GRIP1: variants seen among roughly 807,000 people sequenced by gnomAD.
GRIP1 encodes glutamate receptor interacting protein 1, also known as glutamate receptor-interacting protein 1.
In GRIP1, 45 loss-of-function variants were observed where a neutral mutation model predicts 129.9. That is an observed-to-expected ratio of 0.35 (90% CI 0.27 to 0.44). GRIP1 has a LOEUF of 0.44. GRIP1 is among the 20% of genes least tolerant of loss of function. GRIP1 has a pLI of 1.00. For missense variants in GRIP1, 1,196 were observed against 1,396.8 expected (o/e 0.86, Z 2.29); for synonymous variants, 530 against 520.8 (o/e 1.02, Z -0.24).
intron 1 of GRIP1, among the ~76,000 whole-genome samples, chr12:66,849,703 A>G (rs1158496048): frequency 6.6e-6 from 1 of 152,178 alleles, no homozygotes; most frequent in Admixed American, 6.5e-5. Context: ...TATTTGCTGA[A>G]TCAAATGAAA....
chr12:66,620,732 G>A (rs897518090), intron 1 of GRIP1, among the ~76,000 whole-genome samples: 12 of 144,334 alleles, frequency 8.3e-5, no homozygotes, highest in Non-Finnish European at 1.1e-4. Context: ...TCTCCCTCTC[G>A]CTCTCTTTCT....
At chr12:66,955,036 G>C (rs2041817679) in intron 1 of GRIP1, among the ~76,000 whole-genome samples, 1 of 152,076 alleles carries the variant, frequency 6.6e-6, no homozygotes, top group Non-Finnish European at 1.5e-5. Context: ...TTAAGGGGGT[G>C]GTGATATCTA....
chr12:66,416,075 T>TA (rs2057590791), intron 15 of GRIP1, among the ~76,000 whole-genome samples: 1 of 150,190 alleles, frequency 6.7e-6, no homozygotes, highest in African/African-American at 2.4e-5. Flanking sequence ...GAACTTAAAA[T>TA]AAAATTTGAA....
At chr12:67,068,699 A>G (rs915712840) in intron 1 of GRIP1, among the ~76,000 whole-genome samples, 1 of 59,674 alleles carries the variant, frequency 1.7e-5, no homozygotes, top group African/African-American at 6.7e-5. Context: ...ATCACCCCCC[A>G]GCACCCACCC....
intron 2 of GRIP1, among the ~76,000 whole-genome samples, chr12:66,584,893 A>G (rs2063555792): frequency 6.6e-6 from 1 of 151,524 alleles, no homozygotes; most frequent in Non-Finnish European, 1.5e-5. Flanking sequence ...CTCTTATTTC[A>G]CTAAGGAAAT....
intron 1 of GRIP1, among the ~76,000 whole-genome samples, chr12:66,843,725 A>T (rs2039762769): frequency 6.6e-6 from 1 of 152,172 alleles, no homozygotes; most frequent in Admixed American, 6.5e-5. Flanking sequence ...TTTTTAACAA[A>T]TAACATTGGG....
intron 7 of GRIP1, among the ~76,000 whole-genome samples, chr12:66,510,219 AT>A (rs1001445509): frequency 6.6e-5 from 10 of 152,116 alleles, no homozygotes; most frequent in African/African-American, 2.4e-4. Context: ...CACAGGAAAA[AT>A]CTGGCCTCCA....
chr12:66,460,794 CTA>C (rs2059114262), intron 9 of GRIP1, among the ~76,000 whole-genome samples: 1 of 152,104 alleles, frequency 6.6e-6, no homozygotes, highest in Non-Finnish European at 1.5e-5. Context: ...AAGGGTAAAA[CTA>C]TGTAAAACTC....
intron 1 of GRIP1, among the ~76,000 whole-genome samples, chr12:66,895,440 CTAA>C (rs1441376083): frequency 6.6e-6 from 1 of 152,198 alleles, no homozygotes; most frequent in Non-Finnish European, 1.5e-5. Flanking sequence ...TGTCAGTCCA[CTAA>C]ATCTCTTTTT....
chr12:66,433,384 T>C (rs2058207658), intron 13 of GRIP1, among the ~76,000 whole-genome samples: 1 of 152,182 alleles, frequency 6.6e-6, no homozygotes, highest in Non-Finnish European at 1.5e-5. Context: ...AATGATCCTT[T>C]AGTTTCTGTA....
chr12:66,474,529 G>C (rs1002046346), intron 7 of GRIP1, among the ~76,000 whole-genome samples: 2 of 152,106 alleles, frequency 1.3e-5, no homozygotes, highest in Non-Finnish European at 2.9e-5. Flanking sequence ...ATAATTGTCA[G>C]ATTCACCAGA....
chr12:66,371,821 G>A lies in GRIP1; in HGVS notation c.2885C>T (p.Pro962Leu), dbSNP rs540468070. The stretch of plus-strand genomic sequence containing the variant: ...GCTCCGAGTTGTTTGGCTGTAGTGC[G>A]GCCGCGAGCTGCTGCGCTCCTGGAA... ...ASFQERSSSR[P>L]HYSQTTRSNT... The change falls in exon 23 of 25, where the codon CCG becomes CTG. Residue 962 changes from proline to leucine, a missense_variant. Around this residue, in one of 5 missense-constraint regions of GRIP1, gnomAD observed 427 missense variants for 463.3 expected, o/e 0.92. Transcript: ENST00000359742. 1.9e-4 allele frequency: 302 copies of A among 1,613,490 alleles called. 1 individual carries two copies. The highest frequency in any genetic ancestry group is 1.6e-3 in the East Asian group (74 of 44,878).
chr12:66,696,381 A>G (rs569687822), intron 1 of GRIP1, among the ~76,000 whole-genome samples: 1 of 152,320 alleles, frequency 6.6e-6, no homozygotes, highest in South Asian at 2.1e-4. Context: ...GGACAGTGTA[A>G]CAAAGAAGAC....
At chr12:66,896,783 T>C (rs1032665176) in intron 1 of GRIP1, among the ~76,000 whole-genome samples, 1 of 152,232 alleles carries the variant, frequency 6.6e-6, no homozygotes, top group Non-Finnish European at 1.5e-5. Flanking sequence ...CCAGCCATAA[T>C]AAATTCTGTA....
intron 1 of GRIP1, among the ~76,000 whole-genome samples, chr12:66,629,436 G>A (rs1398743140): frequency 6.6e-6 from 1 of 152,114 alleles, no homozygotes; most frequent in Non-Finnish European, 1.5e-5. Context: ...CTTCATCTCC[G>A]CTCCCTAATA....
chr12:66,608,956 TTATATTATA>T (rs2064669933), intron 1 of GRIP1, among the ~76,000 whole-genome samples: 4 of 145,210 alleles, frequency 2.8e-5, no homozygotes, highest in African/African-American at 1.0e-4. Flanking sequence ...ATTATTATTA[TTATATTATA>T]TATATATTTT....
At chr12:66,739,748 T>C (rs74846855) in intron 1 of GRIP1, among the ~76,000 whole-genome samples, 1 of 135,322 alleles carries the variant, frequency 7.4e-6, no homozygotes, top group Non-Finnish European at 1.6e-5. Context: ...TAAAATAAAA[T>C]AAAAAAAAAA....
chr12:66,432,721 C>G, intron 13 of GRIP1, 93 bp from the exon 14 acceptor site: 1 of 730,098 alleles, frequency 1.4e-6, no homozygotes, highest in South Asian at 1.5e-5. Context: ...GTATCATAAT[C>G]ATATGTAGCT....
rs147912816 is a variant in GRIP1 at position 66,360,310 on chromosome 12, C to G, written c.3013-6747G>C. On this transcript the variant is annotated intron_variant, in intron 23 of 24. Coordinates refer to ENST00000359742, the MANE Select transcript of GRIP1 (RefSeq NM_001366722.1). ...TTCTTCTCATCAGAGCCCTTTGTGGCTTTCCAAGAACATCTGCATAAAGTC... is the reference window on the plus strand; with the variant it reads ...TTCTTCTCATCAGAGCCCTTTGTGGGTTTCCAAGAACATCTGCATAAAGTC... 1.6e-4 allele frequency among the ~76,000 whole-genome samples: 25 copies of G among 152,178 alleles called. No homozygotes were observed. In the East Asian group the frequency reaches 4.6e-3, roughly 28 times the overall value.
Sources: allele counts gnomAD v4.1 joint callset (sites outside exome capture counted in the v4.1 genomes callset), GRCh38; gene constraint gnomAD v4.1.1; regional missense constraint gnomAD v4.1.1; transcripts MANE v1.5; gene names NCBI Gene and HGNC (gene_info 2026-07-23, HGNC 2026-07-21).